IQCM: variants seen among roughly 807,000 people sequenced by gnomAD.
The protein encoded by IQCM is IQ motif containing M.
IQCM carries 45 observed loss-of-function variants against 57.6 expected under a neutral mutation model. That is an observed-to-expected ratio of 0.78 (90% CI 0.62 to 1.00). IQCM has a LOEUF of 1.00. Among genes scored for constraint, IQCM ranks in the 50% least tolerant of loss-of-function variants. IQCM has a pLI of 0.00. For missense variants in IQCM, 468 were observed against 511.6 expected, an observed-to-expected ratio of 0.91 and a Z score of 0.82; for synonymous variants, 148 against 158.9, an observed-to-expected ratio of 0.93 and a Z score of 0.51.
intron 13 of IQCM, among the ~76,000 whole-genome samples, chr4:149,375,635 C>T (rs760641372): frequency 6.6e-6 from 1 of 152,026 alleles, no homozygotes; most frequent in African/African-American, 2.4e-5. Flanking sequence ...GGTCTCTTTC[C>T]AGGTCTTTTA....
intron 13 of IQCM, among the ~76,000 whole-genome samples, chr4:149,391,528 C>T (rs1382456867): frequency 6.6e-6 from 1 of 151,562 alleles, no homozygotes; most frequent in Non-Finnish European, 1.5e-5. Flanking sequence ...TTCCTTTCTT[C>T]TTCTTGCTTT....
intron 12 of IQCM, among the ~76,000 whole-genome samples, chr4:149,490,485 G>C (rs1741980717): frequency 6.6e-6 from 1 of 151,946 alleles, no homozygotes; most frequent in Non-Finnish European, 1.5e-5. Flanking sequence ...TTCCTCAATA[G>C]AAAATAAAAA....
At chr4:149,609,784 A>C (rs889842012) in intron 8 of IQCM, among the ~76,000 whole-genome samples, 1 of 151,846 alleles carries the variant, frequency 6.6e-6, no homozygotes, top group African/African-American at 2.4e-5. Context: ...ATACCATTCT[A>C]AATGGAGAAA....
chr4:149,720,951 T>A (rs1341706229), intron 5 of IQCM, among the ~76,000 whole-genome samples: 1 of 152,140 alleles, frequency 6.6e-6, no homozygotes, highest in African/African-American at 2.4e-5. Flanking sequence ...TAGTTTCCAC[T>A]TTTTTTATAA....
chr4:149,452,141 T>C (rs1055793251), intron 12 of IQCM, among the ~76,000 whole-genome samples: 3 of 151,608 alleles, frequency 2.0e-5, no homozygotes, highest in African/African-American at 7.3e-5. Context: ...AAATAAAAGA[T>C]ATGCAAGACT....
At chr4:149,380,614 G>A (rs535280184) in intron 13 of IQCM, among the ~76,000 whole-genome samples, 6 of 152,080 alleles carry the variant, frequency 3.9e-5, no homozygotes, top group African/African-American at 1.2e-4. Flanking sequence ...TGGTAGCAAC[G>A]TTGGAAAGTC....
chr4:149,600,063 T>A (rs1221723071), intron 8 of IQCM, among the ~76,000 whole-genome samples: 1 of 152,172 alleles, frequency 6.6e-6, no homozygotes, highest in East Asian at 1.9e-4. Flanking sequence ...TACTAAACAA[T>A]TCAGTTATAA....
intron 13 of IQCM, among the ~76,000 whole-genome samples, chr4:149,396,896 C>T (rs1732268930): frequency 6.6e-6 from 1 of 151,872 alleles, no homozygotes; most frequent in African/African-American, 2.4e-5. Context: ...GAATTTTCTT[C>T]TTTTGTAAGG....
intron 13 of IQCM, among the ~76,000 whole-genome samples, chr4:149,407,376 T>TATATTGAG (rs1733058919): frequency 6.6e-6 from 1 of 152,148 alleles, no homozygotes; most frequent in Non-Finnish European, 1.5e-5. Flanking sequence ...GTTACATGAT[T>TATATTGAG]ATATTGAGTA....
At chr4:149,352,360 G>A (rs186671861) in intron 13 of IQCM, among the ~76,000 whole-genome samples, 1 of 152,222 alleles carries the variant, frequency 6.6e-6, no homozygotes, top group East Asian at 1.9e-4. Flanking sequence ...CCCTGGTAAT[G>A]GATTCAAGGA....
intron 13 of IQCM, among the ~76,000 whole-genome samples, chr4:149,408,972 A>G (rs957082830): frequency 1.3e-5 from 2 of 152,208 alleles, no homozygotes; most frequent in African/African-American, 4.8e-5. Context: ...AACCTTTAAC[A>G]AAATTACTTT....
intron 12 of IQCM, among the ~76,000 whole-genome samples, chr4:149,441,526 T>A (rs1013498883): frequency 6.6e-6 from 1 of 152,162 alleles, no homozygotes; most frequent in South Asian, 2.1e-4. Flanking sequence ...AAGTCATCCT[T>A]CTTTTTTCAT....
chr4:149,491,017 T>C (rs1323959540), intron 12 of IQCM, among the ~76,000 whole-genome samples: 2 of 152,046 alleles, frequency 1.3e-5, no homozygotes, highest in Admixed American at 1.3e-4. Context: ...AGTACGTGAG[T>C]GGAACTGATT....
intron 12 of IQCM, among the ~76,000 whole-genome samples, chr4:149,490,265 GT>G (rs1269207701): frequency 6.6e-6 from 1 of 151,888 alleles, no homozygotes; most frequent in Non-Finnish European, 1.5e-5. Context: ...AGATACATAT[GT>G]TTTGATAAGC....
At chr4:149,361,806 A>G (rs1207509137) in intron 13 of IQCM, among the ~76,000 whole-genome samples, 1 of 152,242 alleles carries the variant, frequency 6.6e-6, no homozygotes, top group Non-Finnish European at 1.5e-5. Flanking sequence ...GCCCCCACAC[A>G]GAGTCCCTAC....
At chr4:149,638,617 T>C (rs961957824) in intron 7 of IQCM, among the ~76,000 whole-genome samples, 1 of 152,132 alleles carries the variant, frequency 6.6e-6, no homozygotes, top group African/African-American at 2.4e-5. Context: ...TCTAAAAATA[T>C]TATGCTAATT....
chr4:149,515,045 G>C (rs1202525663), intron 12 of IQCM, among the ~76,000 whole-genome samples: 8 of 148,862 alleles, frequency 5.4e-5, no homozygotes, highest in African/African-American at 2.0e-4. Flanking sequence ...AGTTAATACT[G>C]CTTAATAAAC....
intron 13 of IQCM, among the ~76,000 whole-genome samples, chr4:149,381,720 A>AGTATGTATGTATGTATGTATGTAT (rs60955059): frequency 6.8e-6 from 1 of 146,494 alleles, no homozygotes; most frequent in African/African-American, 2.5e-5. Context: ...TTTCCCCCAT[A>AGTATGTATGTATGTATGTATGTAT]GTATGTATGT....
intron 3 of IQCM, among the ~76,000 whole-genome samples, chr4:149,738,011 TTTG>T (rs1462166320): frequency 2.0e-5 from 3 of 152,212 alleles, no homozygotes; most frequent in Non-Finnish European, 2.9e-5. Flanking sequence ...TCACTGGTTT[TTTG>T]TTGTTGTTCA....
Sources: allele counts gnomAD v4.1 joint callset (sites outside exome capture counted in the v4.1 genomes callset), GRCh38; gene constraint gnomAD v4.1.1; transcripts MANE v1.5; gene names NCBI Gene and HGNC (gene_info 2026-07-23, HGNC 2026-07-21).